TAFA1: variants seen among roughly 807,000 people sequenced by gnomAD.
TAFA1 encodes the protein TAFA chemokine like family member 1.
Under a neutral mutation model 18.5 loss-of-function variants are expected in TAFA1, and 4 were observed. The ratio of observed to expected loss-of-function variants is 0.22; its 90% CI spans 0.11 to 0.49. The LOEUF (loss-of-function observed/expected upper bound fraction) is 0.49. Among genes scored for constraint, TAFA1 ranks in the 20% least tolerant of loss-of-function variants. The pLI is 0.98. For synonymous variants in TAFA1, 56 were observed against 55.2 expected (o/e 1.01, Z -0.06); for missense variants, 147 against 169.0 (o/e 0.87, Z 0.72).
intron 2 of TAFA1, chr3:68,192,248 G>C (rs1559553737): frequency 6.6e-6 from 1 of 151,802 alleles, no homozygotes; most frequent in African/African-American, 2.4e-5. Flanking sequence ...TTAAAATTAT[G>C]ATAAATGAGG....
intron 3 of TAFA1, among the ~76,000 whole-genome samples, chr3:68,497,594 G>T (rs2072569984): frequency 2.0e-5 from 3 of 152,150 alleles, no homozygotes; most frequent in Non-Finnish European, 4.4e-5. Flanking sequence ...CTAGGAAACA[G>T]CCTGGTTCCT....
chr3:68,254,478 T>G (rs1407555524), intron 2 of TAFA1, among the ~76,000 whole-genome samples: 3 of 152,080 alleles, frequency 2.0e-5, no homozygotes, highest in Non-Finnish European at 2.9e-5. Context: ...ACTTGTAACA[T>G]CATTTGCATT....
chr3:68,311,090 T>C (rs2068508294), intron 2 of TAFA1, among the ~76,000 whole-genome samples: 1 of 152,162 alleles, frequency 6.6e-6, no homozygotes, highest in Non-Finnish European at 1.5e-5. Flanking sequence ...AGAGAGCTTG[T>C]GCAGGGAGAC....
intron 2 of TAFA1, among the ~76,000 whole-genome samples, chr3:68,238,947 C>T (rs1425706682): frequency 6.6e-6 from 1 of 152,084 alleles, no homozygotes; most frequent in Non-Finnish European, 1.5e-5. Flanking sequence ...GGGGTGAAGG[C>T]TTTAAAACAT....
chr3:68,467,207 C>T (rs1393146705), intron 3 of TAFA1, among the ~76,000 whole-genome samples: 5 of 152,050 alleles, frequency 3.3e-5, no homozygotes, highest in Admixed American at 6.6e-5. Flanking sequence ...ACATGCTTTA[C>T]GAACAATTTG....
At chr3:68,407,465 A>C (rs2106766595) in intron 2 of TAFA1, among the ~76,000 whole-genome samples, 1 of 152,268 alleles carries the variant, frequency 6.6e-6, no homozygotes, top group African/African-American at 2.4e-5. Flanking sequence ...CAAGAATTGA[A>C]ATGAAATAAG....
chr3:67,999,664 A>G (rs1704263011), upstream of TAFA1, among the ~76,000 whole-genome samples: 1 of 151,908 alleles, frequency 6.6e-6, no homozygotes, highest in African/African-American at 2.4e-5. Flanking sequence ...TTTTTCTTCT[A>G]GCAAAAAAAT....
intron 3 of TAFA1, among the ~76,000 whole-genome samples, chr3:68,492,435 AT>A (rs1289018356): frequency 6.6e-6 from 1 of 152,154 alleles, no homozygotes; most frequent in Non-Finnish European, 1.5e-5. Flanking sequence ...TTCAGAGAGA[AT>A]TTCTGAGGGA....
chr3:68,112,793 AT>A (rs922236569), intron 2 of TAFA1, among the ~76,000 whole-genome samples: 3 of 152,118 alleles, frequency 2.0e-5, no homozygotes, highest in Admixed American at 6.6e-5. Context: ...ACAGAAAAAA[AT>A]GAATTAAAAA....
At chr3:68,028,738 C>CTT (rs1238972612) in intron 2 of TAFA1, among the ~76,000 whole-genome samples, 173 of 100,552 alleles carry the variant, frequency 1.7e-3, no homozygotes, top group African/African-American at 2.5e-3. Flanking sequence ...CAGCCTCACT[C>CTT]TTTTTTTTTA....
chr3:68,222,660 G>A (rs1449450158), intron 2 of TAFA1, among the ~76,000 whole-genome samples: 2 of 151,924 alleles, frequency 1.3e-5, no homozygotes, highest in Non-Finnish European at 2.9e-5. Flanking sequence ...GGAGGGTGGA[G>A]AGTATTGTTT....
chr3:68,102,722 G>A (rs1018559020), intron 2 of TAFA1, among the ~76,000 whole-genome samples: 2 of 152,152 alleles, frequency 1.3e-5, no homozygotes, highest in African/African-American at 4.8e-5. Context: ...TGGCCAGGAG[G>A]CAAGTTATAT....
intron 2 of TAFA1, among the ~76,000 whole-genome samples, chr3:68,401,051 G>A (rs17047630): frequency 0.23 from 35,522 of 152,110 alleles, 4,655 homozygotes; most frequent in African/African-American, 0.36. Context: ...GGGATAAGCC[G>A]ATCAGTGAAA....
At chr3:68,234,366 T>A in intron 2 of TAFA1, among the ~76,000 whole-genome samples, 1 of 152,150 alleles carries the variant, frequency 6.6e-6, no homozygotes, top group Non-Finnish European at 1.5e-5. Flanking sequence ...TCACATTAAA[T>A]CCCTGAAGAT....
chr3:68,403,981 C>G (rs1262252995), intron 2 of TAFA1, among the ~76,000 whole-genome samples: 1 of 152,168 alleles, frequency 6.6e-6, no homozygotes, highest in Non-Finnish European at 1.5e-5. Flanking sequence ...AATGGCTGCT[C>G]CAGCTAATAC....
chr3:68,146,789 C>T (rs1171845291), intron 2 of TAFA1, among the ~76,000 whole-genome samples: 1 of 152,140 alleles, frequency 6.6e-6, no homozygotes, highest in African/African-American at 2.4e-5. Flanking sequence ...TAACAGAATA[C>T]ACTTGGGGAA....
intron 2 of TAFA1, among the ~76,000 whole-genome samples, chr3:68,164,555 C>T (rs1317187890): frequency 2.0e-5 from 3 of 151,638 alleles, no homozygotes; most frequent in Non-Finnish European, 4.4e-5. Flanking sequence ...ATTCTCCCTC[C>T]CATTTTTTAT....
chr3:68,075,391 G>C (rs1384086997), intron 2 of TAFA1, among the ~76,000 whole-genome samples: 1 of 152,162 alleles, frequency 6.6e-6, no homozygotes, highest in Non-Finnish European at 1.5e-5. Flanking sequence ...TTTGTGATAA[G>C]AGTATTGAAA....
chr3:68,311,673 C>T (rs2313281), intron 2 of TAFA1, among the ~76,000 whole-genome samples: 8,004 of 152,284 alleles, frequency 0.053, 700 homozygotes, highest in African/African-American at 0.18. Context: ...GGCAGCTTCA[C>T]CCCTGTGGCT....
Sources: allele counts gnomAD v4.1 joint callset (sites outside exome capture counted in the v4.1 genomes callset), GRCh38; gene constraint gnomAD v4.1.1; transcripts MANE v1.5; gene names NCBI Gene and HGNC (gene_info 2026-07-23, HGNC 2026-07-21).